DOCK9: variants seen among roughly 807,000 people sequenced by gnomAD.
DOCK9 encodes the protein dedicator of cytokinesis 9.
Under a neutral mutation model 263.3 loss-of-function variants are expected in DOCK9, and 89 were observed. That is an observed-to-expected ratio of 0.34 (90% CI 0.28 to 0.40). The LOEUF is 0.40. Ranked by LOEUF, DOCK9 falls within the 10% of genes least tolerant of loss-of-function variation. The pLI, the probability that DOCK9 is intolerant of heterozygous loss-of-function variation, is 1.00. For missense variants in DOCK9, 2,140 were observed against 2,603.4 expected (o/e 0.82, Z 3.87); for synonymous variants, 976 against 973.1 (o/e 1.00, Z -0.06).
At chr13:98,984,360 G>C (rs757777405) in intron 1 of DOCK9, among the ~76,000 whole-genome samples, 1 of 152,222 alleles carries the variant, frequency 6.6e-6, no homozygotes, top group Non-Finnish European at 1.5e-5. Context: ...GTTGACACAA[G>C]TCAGTAAATG....
chr13:98,985,037 T>C (rs571054181), intron 1 of DOCK9, among the ~76,000 whole-genome samples: 1 of 125,228 alleles, frequency 8.0e-6, no homozygotes, highest in East Asian at 2.6e-4. Context: ...ATAACAGAAC[T>C]ATAACGTGCT....
intron 33 of DOCK9, chr13:98,857,920 T>A (rs2093746791): frequency 6.6e-6 from 1 of 152,178 alleles, no homozygotes; most frequent in African/African-American, 2.4e-5. Flanking sequence ...CAAATTATAA[T>A]TTTTCTAATA....
intron 30 of DOCK9, 83 bp downstream of exon 30, chr13:98,867,342 T>C (rs1399161752): frequency 1.2e-6 from 1 of 832,266 alleles, no homozygotes; most frequent in East Asian, 2.5e-5. Flanking sequence ...AATTCAAATA[T>C]CATGTTTGAA....
At chr13:99,037,356 C>T (rs957520245) in intron 1 of DOCK9, among the ~76,000 whole-genome samples, 2 of 151,982 alleles carry the variant, frequency 1.3e-5, no homozygotes, top group African/African-American at 2.4e-5. Context: ...GAAAGCAATA[C>T]ATTAAAGATG....
At chr13:98,940,842 C>T (rs1261468360) in intron 2 of DOCK9, among the ~76,000 whole-genome samples, 1 of 152,082 alleles carries the variant, frequency 6.6e-6, no homozygotes, top group Non-Finnish European at 1.5e-5. Flanking sequence ...GCCCACCTTC[C>T]CTCCATCATC....
At chr13:98,828,331 T>C (rs978405378) in intron 43 of DOCK9, among the ~76,000 whole-genome samples, 1 of 152,116 alleles carries the variant, frequency 6.6e-6, no homozygotes, top group African/African-American at 2.4e-5. Flanking sequence ...AGTAAGTTCT[T>C]CCTTTCTTTT....
chr13:98,833,915 C>A (rs1323867252), intron 39 of DOCK9, among the ~76,000 whole-genome samples: 1 of 152,222 alleles, frequency 6.6e-6, no homozygotes. Flanking sequence ...ACACAAATCA[C>A]CCTTAACTGT....
intron 2 of DOCK9, among the ~76,000 whole-genome samples, chr13:98,942,170 T>C (rs1490155766): frequency 6.6e-6 from 1 of 152,128 alleles, no homozygotes; most frequent in Non-Finnish European, 1.5e-5. Context: ...GTAAGTGTAC[T>C]TTCTTTACTT....
At chr13:98,873,943 G>A (rs575771865) in intron 27 of DOCK9, among the ~76,000 whole-genome samples, 6 of 152,162 alleles carry the variant, frequency 3.9e-5, no homozygotes, top group Admixed American at 6.5e-5. Flanking sequence ...ATGATCTCAC[G>A]CTCAATATCT....
At position 98,829,297 on chromosome 13, in the gene DOCK9, G is replaced by C; in HGVS notation, c.4965+10C>G. On this transcript the variant is annotated intron_variant, in intron 43 of 52. Transcript: ENST00000682017. This position sits in a 1 kb window ranked among gnomAD's most constrained non-coding sequence, Gnocchi z 4.1. Reference sequence around the variant, plus strand: ...CAAAAACCCATTCAAGCGGCTGGCAGGGCTACTACCTCTGAGAGATCGCCA... The same window carrying C: ...CAAAAACCCATTCAAGCGGCTGGCACGGCTACTACCTCTGAGAGATCGCCA... 6.2e-7 allele frequency: 1 copy of C among 1,607,332 alleles called. No homozygotes were observed. The highest frequency in any genetic ancestry group is 2.2e-5 in the East Asian group (1 of 44,656).
chr13:98,940,375 T>A (rs1321449035), intron 2 of DOCK9, among the ~76,000 whole-genome samples: 1 of 152,182 alleles, frequency 6.6e-6, no homozygotes, highest in Non-Finnish European at 1.5e-5. Flanking sequence ...AAGGAACACA[T>A]TTAAAACATT....
At chr13:98,830,581 C>T (rs569292928) in intron 41 of DOCK9, among the ~76,000 whole-genome samples, 1 of 152,194 alleles carries the variant, frequency 6.6e-6, no homozygotes, top group Admixed American at 6.5e-5. Flanking sequence ...GGTGCTTCCC[C>T]GTAGTTCACT....
intron 2 of DOCK9, among the ~76,000 whole-genome samples, chr13:98,934,438 T>C (rs2054488259): frequency 6.6e-6 from 1 of 152,172 alleles, no homozygotes; most frequent in Admixed American, 6.5e-5. Context: ...ACAGACAGTG[T>C]AAAACAGAAG....
At chr13:98,845,124 C>T (rs1297533766) in intron 38 of DOCK9, among the ~76,000 whole-genome samples, 1 of 152,176 alleles carries the variant, frequency 6.6e-6, no homozygotes, top group East Asian at 1.9e-4. Flanking sequence ...AGATAAAGCA[C>T]TTAAATTACT....
At chr13:98,925,658 A>G (rs2052818453) in intron 4 of DOCK9, among the ~76,000 whole-genome samples, 179 bp downstream of exon 4, 1 of 152,184 alleles carries the variant, frequency 6.6e-6, no homozygotes, top group Admixed American at 6.5e-5. Flanking sequence ...ATCAATACCA[A>G]AGTAGCATGT....
intron 1 of DOCK9, among the ~76,000 whole-genome samples, chr13:98,970,971 A>G (rs751765835): frequency 4.6e-5 from 7 of 152,202 alleles, no homozygotes; most frequent in Non-Finnish European, 8.8e-5. Context: ...TAGCTCCAAC[A>G]ACTCAAAACC....
At position 98,950,236 on chromosome 13, in the gene DOCK9, A is replaced by G. The variant is rs1482058414; in HGVS notation, c.243+5199T>C. Reference sequence around the variant, plus strand: ...TTCCAAGGCATGAGGTTTCACTTCTAGTTGTCTGAGATGCAGCTTGTCGTG... The same window carrying G: ...TTCCAAGGCATGAGGTTTCACTTCTGGTTGTCTGAGATGCAGCTTGTCGTG... On this transcript the variant is annotated intron_variant, in intron 2 of 52. Coordinates refer to ENST00000682017, the MANE Select transcript of DOCK9 (RefSeq NM_001366683.2). 4.4e-5 allele frequency: 45 copies of G among 1,019,164 alleles called. No homozygotes were observed. The East Asian group carries it at 1.1e-3, about 24-fold the overall frequency. The allele number at this position is 1,019,164 out of a possible 1,614,324, so 63.1% of individuals were successfully genotyped here. A position where few individuals can be genotyped will look rare whatever the true frequency, so the allele number is the denominator to read the frequency against.
intron 45 of DOCK9, among the ~76,000 whole-genome samples, chr13:98,822,028 T>C (rs1219771752): frequency 2.0e-5 from 3 of 152,240 alleles, no homozygotes; most frequent in Admixed American, 2.0e-4. Flanking sequence ...TCTGCTTTCC[T>C]GTCTTTTAGA....
upstream of DOCK9, chr13:98,978,192 C>G: frequency 6.0e-6 from 6 of 998,548 alleles, no homozygotes; most frequent in Non-Finnish European, 7.9e-6. Context: ...CAGTGTACTG[C>G]CTCTCTGATA....
Sources: gnomAD v4.1 joint callset for allele counts (sites outside exome capture counted in the v4.1 genomes callset) on GRCh38, gnomAD v4.1.1 for gene constraint, Gnocchi (gnomAD v3.1) non-coding constraint, MANE v1.5 for transcripts, NCBI Gene and HGNC (gene_info 2026-07-23, HGNC 2026-07-21) for gene names.